Variants in C3orf22 observed in about 807,000 individuals in gnomAD.
C3orf22 encodes chromosome 3 open reading frame 22, also known as uncharacterized protein C3orf22.
A neutral mutation model predicts 10.8 loss-of-function variants in C3orf22; 7 were observed. The ratio of observed to expected loss-of-function variants is 0.65; its 90% CI spans 0.37 to 1.22. The LOEUF is 1.22. C3orf22 is among the 50% of genes most tolerant of loss of function. C3orf22 has a pLI of 0.02. For synonymous variants in C3orf22, 79 were observed against 78.9 expected, an observed-to-expected ratio of 1.00 and a Z score of 0.00; for missense variants, 173 against 177.0, an observed-to-expected ratio of 0.98 and a Z score of 0.13.
intron 4 of C3orf22, among the ~76,000 whole-genome samples, chr3:126,539,078 G>C (rs1248995033): frequency 6.6e-6 from 1 of 152,114 alleles, no homozygotes; most frequent in Non-Finnish European, 1.5e-5. Context: ...CTACAGGCAT[G>C]TATGTCCTAT....
Position 126,549,717 on chromosome 3 carries a change from G to T in C3orf22, c.*151C>A, listed in dbSNP as rs1455053531. 1 of 1,517,768 alleles carries T rather than the reference G, an allele frequency of 6.6e-7. No homozygotes were observed. Among genetic ancestry groups the T allele is most frequent in the Non-Finnish European group, 8.8e-7 (1 of 1,135,668 alleles). The allele number at this position is 1,517,768 out of a possible 1,614,324, so 94.0% of individuals were successfully genotyped here. ...TGGGGTGGGAACTCGCAGTTTATTA[G>T]CTTGGTGTAGCTTTTTGGGGGGACC... On this transcript the variant is annotated 3_prime_UTR_variant, in exon 4 of 4. Transcript: ENST00000318225.
exon 6 of C3orf22, chr3:126,527,510 C>T (rs1463232741): frequency 1.3e-5 from 2 of 152,364 alleles, no homozygotes; most frequent in Non-Finnish European, 2.9e-5. Flanking sequence ...GCCAAAGTCC[C>T]AAGGAGGCAT....
chr3:126,532,458 A>G (rs548828996), intron 4 of C3orf22, among the ~76,000 whole-genome samples: 21 of 149,466 alleles, frequency 1.4e-4, no homozygotes, highest in Admixed American at 1.2e-3. Flanking sequence ...TGGTATGAAG[A>G]TGGGGTACAA....
downstream of C3orf22, among the ~76,000 whole-genome samples, chr3:126,549,114 T>C (rs973328181): frequency 2.6e-5 from 4 of 152,162 alleles, no homozygotes; most frequent in South Asian, 2.1e-4. Context: ...CTTACATTAC[T>C]GATGTTGTAA....
chr3:126,544,938 C>T (rs142911347), downstream of C3orf22, among the ~76,000 whole-genome samples: 15 of 152,362 alleles, frequency 9.8e-5, no homozygotes, highest in South Asian at 4.1e-4. Context: ...GGACTGAGGG[C>T]GCTGGGGCAG....
In C3orf22 at chr3:126,553,750, G is replaced by A. The variant is rs115928219; in HGVS notation, c.-40-320C>T. 2.3e-3 allele frequency among the ~76,000 whole-genome samples: 351 copies of A among 152,288 alleles called. 3 individuals are homozygous for A. The highest frequency in any genetic ancestry group is 3.3e-3 in the Non-Finnish European group (223 of 68,032). On this transcript the variant is annotated intron_variant, in intron 1 of 3. Coordinates refer to ENST00000318225, the MANE Select transcript of C3orf22 (RefSeq NM_152533.3). ...GGGGCAGCCATGTGATTTCAGGAGC[G>A]CTATGCGGAGGAACTGCACACGAGG...
At chr3:126,546,732 T>G (rs907373308), downstream of C3orf22, among the ~76,000 whole-genome samples, 1 of 152,104 alleles carries the variant, frequency 6.6e-6, no homozygotes, top group Non-Finnish European at 1.5e-5. Flanking sequence ...GCCTGTGGTG[T>G]TTGCTACGGT....
chr3:126,550,733 T>TGGGACCAACTCG (rs1456250115), intron 3 of C3orf22, among the ~76,000 whole-genome samples: 2 of 152,144 alleles, frequency 1.3e-5, no homozygotes, highest in Non-Finnish European at 2.9e-5. Context: ...AGCCCTGGCA[T>TGGGACCAACTCG]GGGACCAACT....
At chr3:126,547,080 G>A (rs1937081249), downstream of C3orf22, among the ~76,000 whole-genome samples, 1 of 152,178 alleles carries the variant, frequency 6.6e-6, no homozygotes, top group Non-Finnish European at 1.5e-5. Flanking sequence ...TCCTGGGAGA[G>A]GGTCCACACT....
chr3:126,540,079 C>G (rs1296686895), intron 4 of C3orf22, among the ~76,000 whole-genome samples: 2 of 150,736 alleles, frequency 1.3e-5, no homozygotes, highest in Admixed American at 6.6e-5. Flanking sequence ...ACACACCACA[C>G]GCGTGCACCA....
chr3:126,542,364 C>A (rs1056523), intron 4 of C3orf22: 1 of 1,560,562 alleles, frequency 6.4e-7, no homozygotes, highest in Non-Finnish European at 8.7e-7. Flanking sequence ...GAGACGCTGG[C>A]GGAGGACGCG....
downstream of C3orf22, among the ~76,000 whole-genome samples, chr3:126,546,649 G>T (rs778981216): frequency 6.6e-6 from 1 of 152,200 alleles, no homozygotes; most frequent in Non-Finnish European, 1.5e-5. Context: ...AACCAAGGCA[G>T]CTAGCACTTT....
chr3:126,554,543 C>T (rs1287964240), intron 1 of C3orf22, among the ~76,000 whole-genome samples: 2 of 152,118 alleles, frequency 1.3e-5, no homozygotes, highest in East Asian at 1.9e-4. Context: ...GGATTACAGG[C>T]GTGAGCCACC....
downstream of C3orf22, among the ~76,000 whole-genome samples, chr3:126,548,560 G>T (rs575559795): frequency 2.6e-5 from 4 of 152,330 alleles, no homozygotes; most frequent in South Asian, 8.3e-4. Flanking sequence ...TCACAGGAAG[G>T]GACCCCAGGG....
chr3:126,545,884 C>G (rs1193891802), downstream of C3orf22, among the ~76,000 whole-genome samples: 6 of 152,212 alleles, frequency 3.9e-5, no homozygotes, highest in Non-Finnish European at 8.8e-5. Flanking sequence ...CCACTTGGAG[C>G]CCAGGACCCT....
chr3:126,539,132 T>A (rs975489226), intron 4 of C3orf22, among the ~76,000 whole-genome samples: 5 of 152,080 alleles, frequency 3.3e-5, no homozygotes, highest in Admixed American at 2.0e-4. Flanking sequence ...TTCAAGCATA[T>A]GCAAGAAGAA....
downstream of C3orf22, among the ~76,000 whole-genome samples, chr3:126,547,364 G>A (rs543585801): frequency 3.9e-5 from 6 of 152,264 alleles, no homozygotes; most frequent in East Asian, 7.7e-4. Context: ...GCTTCCTGGG[G>A]GCTCATTTTC....
At chr3:126,553,627 C>T (rs1409305139) in intron 1 of C3orf22, among the ~76,000 whole-genome samples, 197 bp from the exon 2 acceptor site, 5 of 152,208 alleles carry the variant, frequency 3.3e-5, no homozygotes, top group Admixed American at 1.3e-4. Context: ...CCTCACCAGA[C>T]GCTCTCCCCA....
rs1363195184 is a variant in C3orf22 at position 126,558,818 on chromosome 3, AG to A, written c.-233del. On this transcript the variant is annotated 5_prime_UTR_variant, in exon 1 of 4. The change abolishes the stop of an existing upstream ORF in the 5' untranslated region. Transcript: ENST00000318225. ...CCAGAGCTTCCAGCCAGAAAGGACA[AG>A]CTGCAGGACCCTGTGGGCTGGCTTA... The A allele has an allele frequency of 2.0e-5, 3 of 152,316 alleles. No homozygotes were observed. The highest frequency in any genetic ancestry group is 7.2e-5 in the African/African-American group (3 of 41,470). 9.4% of individuals were successfully genotyped at this position (152,316 alleles called of 1,614,324 possible).
Sources: gnomAD v4.1 joint callset for allele counts (sites outside exome capture counted in the v4.1 genomes callset) on GRCh38, gnomAD v4.1.1 for gene constraint, MANE v1.5 for transcripts, NCBI Gene and HGNC (gene_info 2026-07-23, HGNC 2026-07-21) for gene names.